The following WDPCP variants were observed in gnomAD, a reference collection of about 807,000 sequenced individuals.
WDPCP encodes WD repeat-containing and planar cell polarity effector protein fritz homolog.
A neutral mutation model predicts 93.1 loss-of-function variants in WDPCP; 71 were observed. The observed-to-expected ratio is 0.76, with a 90% confidence interval of 0.63 to 0.93. WDPCP has a LOEUF of 0.93. Ranked by LOEUF, WDPCP falls within the 40% of genes least tolerant of loss-of-function variation. The pLI is 0.00. For synonymous variants in WDPCP, 315 were observed against 315.0 expected (o/e 1.00, Z 0.00); for missense variants, 844 against 887.4 (o/e 0.95, Z 0.62).
chr2:63,451,354 T>C (rs1698233946), intron 6 of WDPCP, among the ~76,000 whole-genome samples: 1 of 152,104 alleles, frequency 6.6e-6, no homozygotes, highest in Non-Finnish European at 1.5e-5. Flanking sequence ...AAGAAATGGG[T>C]AAATTCTTCG....
chr2:63,761,277 T>C (rs1385741660), intron 2 of WDPCP, among the ~76,000 whole-genome samples: 4 of 152,188 alleles, frequency 2.6e-5, no homozygotes, highest in South Asian at 2.1e-4. Context: ...CCTCCTGCCA[T>C]GGGATGACAC....
At chr2:63,254,021 A>G (rs1247573487) in intron 14 of WDPCP, among the ~76,000 whole-genome samples, 1 of 152,212 alleles carries the variant, frequency 6.6e-6, no homozygotes. Context: ...AAAATGTAGT[A>G]TATATACACC....
intron 2 of WDPCP, among the ~76,000 whole-genome samples, chr2:63,706,482 G>A (rs560408485): frequency 1.4e-3 from 209 of 152,116 alleles, no homozygotes; most frequent in African/African-American, 4.7e-3. Flanking sequence ...CTCTTTTAGG[G>A]CAGGCCTGGT....
intron 1 of WDPCP, among the ~76,000 whole-genome samples, chr2:63,575,352 GTA>G (rs1358677927): frequency 9.5e-6 from 1 of 105,158 alleles, no homozygotes; most frequent in Non-Finnish European, 2.0e-5. Flanking sequence ...ACTGTATATG[GTA>G]TATACAGTAT....
chr2:63,744,064 G>T (rs925955700), intron 2 of WDPCP, among the ~76,000 whole-genome samples: 2 of 152,104 alleles, frequency 1.3e-5, no homozygotes, highest in African/African-American at 4.8e-5. Context: ...TGGAGGGATA[G>T]TAGACAGAGG....
chr2:63,528,393 A>G (rs187132695), intron 1 of WDPCP, among the ~76,000 whole-genome samples: 1 of 152,214 alleles, frequency 6.6e-6, no homozygotes, highest in East Asian at 1.9e-4. Flanking sequence ...TAATTTTTGT[A>G]TAAGGTGTAA....
intron 14 of WDPCP, among the ~76,000 whole-genome samples, chr2:63,249,317 T>C (rs1342785482): frequency 6.6e-6 from 1 of 152,192 alleles, no homozygotes; most frequent in Non-Finnish European, 1.5e-5. Context: ...ACATGGCTGC[T>C]TTTGAATGCC....
intron 2 of WDPCP, among the ~76,000 whole-genome samples, chr2:63,793,329 T>C (rs1366478493): frequency 6.6e-6 from 1 of 152,188 alleles, no homozygotes; most frequent in Non-Finnish European, 1.5e-5. Flanking sequence ...GAAATGAGGC[T>C]GGGCATGGTG....
intron 1 of WDPCP, among the ~76,000 whole-genome samples, chr2:63,542,545 G>T (rs576809164): frequency 6.6e-6 from 1 of 152,044 alleles, no homozygotes; most frequent in African/African-American, 2.4e-5. Flanking sequence ...CTTTATAAAG[G>T]CTCCAACTAT....
intron 17 of WDPCP, among the ~76,000 whole-genome samples, chr2:63,126,222 A>G (rs927928624): frequency 2.6e-5 from 4 of 152,116 alleles, no homozygotes; most frequent in African/African-American, 7.2e-5. Flanking sequence ...GTGTAAGCCA[A>G]TGCACCTGGG....
chr2:63,564,154 T>G (rs1706846314), intron 1 of WDPCP: 1 of 152,198 alleles, frequency 6.6e-6, no homozygotes, highest in Non-Finnish European at 1.5e-5. Flanking sequence ...CAGAAAACAC[T>G]GTCACTTAGG....
intron 2 of WDPCP, among the ~76,000 whole-genome samples, chr2:63,730,136 C>T (rs565558505): frequency 6.6e-6 from 1 of 151,834 alleles, no homozygotes; most frequent in Non-Finnish European, 1.5e-5. Flanking sequence ...TAATTCCAAG[C>T]GACATTTGTA....
chr2:63,273,923 C>G (rs1682871307), intron 13 of WDPCP, among the ~76,000 whole-genome samples: 1 of 152,094 alleles, frequency 6.6e-6, no homozygotes, highest in Admixed American at 6.6e-5. Flanking sequence ...ACTTTTCATT[C>G]TCAGCATTGG....
Position 63,406,362 on chromosome 2 carries a change from C to T in WDPCP, c.826-1705G>A, listed in dbSNP as rs1279768376. Among the ~76,000 whole-genome samples the T allele has an allele frequency of 2.6e-5, 4 of 152,150 alleles. 1 individual carries two copies. The highest frequency in any genetic ancestry group is 5.9e-5 in the Non-Finnish European group (4 of 68,032). The stretch of plus-strand genomic sequence containing the variant: ...TCCCTCACACTCTTTTTGCTGCAGT[C>T]ATTTTCTTTTTTGTCCAATAAATAT... On this transcript the variant is annotated intron_variant, in intron 9 of 17. Coordinates refer to ENST00000272321, the MANE Select transcript of WDPCP (RefSeq NM_015910.7).
chr2:63,478,848 GAAAC>G (rs1399961279), intron 6 of WDPCP, among the ~76,000 whole-genome samples: 2 of 151,722 alleles, frequency 1.3e-5, no homozygotes, highest in Non-Finnish European at 1.5e-5. Flanking sequence ...ACATGAAACT[GAAAC>G]AAACAAACAA....
intron 2 of WDPCP, among the ~76,000 whole-genome samples, chr2:63,685,231 G>A (rs1285592748): frequency 2.0e-5 from 3 of 152,068 alleles, no homozygotes; most frequent in African/African-American, 4.8e-5. Context: ...GAAAAAGAGA[G>A]AGAAGACCCA....
At chr2:63,526,707 G>C (rs992316342) in intron 1 of WDPCP, among the ~76,000 whole-genome samples, 6 of 152,152 alleles carry the variant, frequency 3.9e-5, no homozygotes, top group Non-Finnish European at 5.9e-5. Context: ...TGCTTCTCAT[G>C]ATTCAGATCT....
intron 2 of WDPCP, among the ~76,000 whole-genome samples, chr2:63,654,276 G>A (rs1363469343): frequency 2.0e-5 from 3 of 152,078 alleles, no homozygotes; most frequent in Admixed American, 6.6e-5. Flanking sequence ...AATCTAAAAC[G>A]AGGCACAGAG....
chr2:63,302,009 A>T (rs79918828), intron 13 of WDPCP, among the ~76,000 whole-genome samples: 1 of 152,200 alleles, frequency 6.6e-6, no homozygotes, highest in African/African-American at 2.4e-5. Flanking sequence ...GGCAGACCCA[A>T]AAAGAATATT....
Sources: gnomAD v4.1 joint callset for allele counts (sites outside exome capture counted in the v4.1 genomes callset) on GRCh38, gnomAD v4.1.1 for gene constraint, MANE v1.5 for transcripts, NCBI Gene and HGNC (gene_info 2026-07-23, HGNC 2026-07-21) for gene names.